Variants in CFI observed in about 807,000 individuals in gnomAD.
CFI encodes C3B/C4B inactivator.
In CFI, 66 loss-of-function variants were observed where a neutral mutation model predicts 78.8. That is an observed-to-expected ratio of 0.84 (90% CI 0.69 to 1.03). The LOEUF is 1.03. Among genes scored for constraint, CFI ranks in the 50% least tolerant of loss-of-function variants. The pLI is 0.00. For missense variants in CFI, 706 were observed against 704.5 expected (o/e 1.00, Z -0.02); for synonymous variants, 250 against 232.6 (o/e 1.07, Z -0.68).
chr4:109,761,846 C>T (rs1727110365), intron 3 of CFI, 154 bp from the exon 4 acceptor site: 1 of 654,980 alleles, frequency 1.5e-6, no homozygotes, highest in Non-Finnish European at 2.7e-6. Context: ...AGCCTCAGTA[C>T]CTTCATCTAT....
intron 7 of CFI, among the ~76,000 whole-genome samples, chr4:109,756,435 G>A (rs1430099215): frequency 1.4e-5 from 2 of 141,458 alleles, no homozygotes; most frequent in Non-Finnish European, 3.2e-5. Context: ...AAGAAGAAGA[G>A]GAAGAAGGAG....
chr4:109,731,959 A>G, the CFI span, among the ~76,000 whole-genome samples: 61 of 152,228 alleles, frequency 4.0e-4, no homozygotes, highest in Non-Finnish European at 8.4e-4. Context: ...TCTCAGCTCC[A>G]AAGTATGAAA....
intron 1 of CFI, among the ~76,000 whole-genome samples, chr4:109,767,169 A>G (rs550535849): frequency 0.016 from 2,423 of 152,338 alleles, 82 homozygotes; most frequent in African/African-American, 0.055. Flanking sequence ...ACCTAAAACC[A>G]TAAAAACCCT....
intron 1 of CFI, among the ~76,000 whole-genome samples, chr4:109,792,376 G>A (rs10004794): frequency 0.18 from 27,187 of 152,058 alleles, 4,603 homozygotes; most frequent in African/African-American, 0.43. Flanking sequence ...AGGAGTTCAA[G>A]ATCAGCCTGG....
intron 1 of CFI, among the ~76,000 whole-genome samples, chr4:109,775,358 G>A (rs921972023): frequency 1.3e-5 from 2 of 152,190 alleles, no homozygotes; most frequent in African/African-American, 4.8e-5. Flanking sequence ...TATATCCCGT[G>A]CCTGGCTCGG....
chr4:109,740,899 A>G lies in CFI; in HGVS notation c.1746T>C (p.Asn582=), dbSNP rs771372128. The change falls in exon 13 of 13, where the codon AAT becomes AAC. Residue 582 remains asparagine (N), a synonymous_variant. Coordinates refer to ENST00000394634, the MANE Select transcript of CFI (RefSeq NM_000204.5). ...GAAGAGAGAGATCACAATTTTATAC[A>G]TTGTACTGAGAAATAAAAGGCCTTC... The part of the protein sequence containing the change: ...HVGRPFISQY[N]V 1.2e-6 allele frequency: 2 copies of G among 1,613,262 alleles called. No homozygotes were observed. Among genetic ancestry groups the G allele is most frequent in the South Asian group, 2.2e-5 (2 of 91,074 alleles).
At chr4:109,782,930 G>A (rs1424105633) in intron 1 of CFI, among the ~76,000 whole-genome samples, 1 of 152,090 alleles carries the variant, frequency 6.6e-6, no homozygotes, top group Non-Finnish European at 1.5e-5. Flanking sequence ...AGTGGCGAAA[G>A]GACACCCTTT....
intron 1 of CFI, among the ~76,000 whole-genome samples, chr4:109,793,024 C>A (rs1306278497): frequency 1.3e-5 from 2 of 152,012 alleles, no homozygotes; most frequent in Non-Finnish European, 2.9e-5. Context: ...ATGTCTTATA[C>A]CTTTTTTGTT....
At chr4:109,775,980 G>A (rs1729183418) in intron 1 of CFI, among the ~76,000 whole-genome samples, 1 of 152,160 alleles carries the variant, frequency 6.6e-6, no homozygotes, top group Non-Finnish European at 1.5e-5. Context: ...AACCCCATCT[G>A]TACGTCACCA....
At chr4:109,783,792 T>A (rs1730362707) in intron 1 of CFI, among the ~76,000 whole-genome samples, 1 of 141,464 alleles carries the variant, frequency 7.1e-6, no homozygotes, top group South Asian at 2.2e-4. Flanking sequence ...CACCATTCAA[T>A]GAGTGGATAA....
intron 1 of CFI, among the ~76,000 whole-genome samples, chr4:109,787,927 T>C (rs561650069): frequency 6.6e-6 from 1 of 152,218 alleles, no homozygotes; most frequent in African/African-American, 2.4e-5. Flanking sequence ...GGTTCAAAAA[T>C]GTGCCTGTAA....
In CFI at chr4:109,744,706, C is replaced by T. The variant is rs531861756; in HGVS notation, c.1429+1516G>A. ...GCCCCTGTGATTCCCCAACCCCCTA[C>T]GTATATCTTTGTAATGAACCCTTTT... On this transcript the variant is annotated intron_variant, in intron 11 of 12. Transcript: ENST00000394634. Among the ~76,000 whole-genome samples the T allele has an allele frequency of 4.6e-5, 7 of 152,262 alleles. No homozygotes were observed. In the South Asian group the frequency reaches 8.3e-4, roughly 18 times the overall value.
chr4:109,800,530 C>T (rs1458355432), intron 1 of CFI, among the ~76,000 whole-genome samples: 1 of 151,466 alleles, frequency 6.6e-6, no homozygotes, highest in Non-Finnish European at 1.5e-5. Flanking sequence ...TCTGGTTATT[C>T]CCCCCATTAG....
intron 1 of CFI, among the ~76,000 whole-genome samples, chr4:109,769,799 T>C (rs574790448): frequency 2.0e-5 from 3 of 152,264 alleles, no homozygotes; most frequent in Non-Finnish European, 2.9e-5. Context: ...CCCACACCTG[T>C]CTGTTGCCTG....
intron 7 of CFI, among the ~76,000 whole-genome samples, chr4:109,755,178 C>T (rs896079051): frequency 6.6e-6 from 1 of 152,098 alleles, no homozygotes; most frequent in East Asian, 1.9e-4. Flanking sequence ...AGCTAGTATG[C>T]ACATGAAGAG....
chr4:109,782,414 C>G (rs1730159881), intron 1 of CFI, among the ~76,000 whole-genome samples: 1 of 127,102 alleles, frequency 7.9e-6, no homozygotes, highest in African/African-American at 3.0e-5. Context: ...AGAACTCAAC[C>G]CCTTTTACAA....
At chr4:109,756,927 A>AAGAAAGAAAG (rs1312704621) in intron 7 of CFI, among the ~76,000 whole-genome samples, 2 of 148,270 alleles carry the variant, frequency 1.3e-5, no homozygotes, top group African/African-American at 5.0e-5. Context: ...GAAAGAAAGA[A>AAGAAAGAAAG]AGAAAGAAAG....
chr4:109,756,933 GAAAGAAAGAAAGAAAGAAA>G (rs1726321154), intron 7 of CFI, among the ~76,000 whole-genome samples: 3 of 146,492 alleles, frequency 2.0e-5, no homozygotes, highest in Non-Finnish European at 4.5e-5. Context: ...AAGAAAGAAA[GAAAGAAAGAAAGAAAGAAA>G]GAAAGAAAGA....
intron 7 of CFI, 74 bp from the exon 8 acceptor site, chr4:109,752,577 A>G: frequency 7.9e-7 from 1 of 1,258,086 alleles, no homozygotes; most frequent in Non-Finnish European, 1.2e-6. Context: ...AAATCATTTA[A>G]ACACTGATTA....
Sources: gnomAD v4.1 joint callset for allele counts (sites outside exome capture counted in the v4.1 genomes callset) on GRCh38, gnomAD v4.1.1 for gene constraint, MANE v1.5 for transcripts, NCBI Gene and HGNC (gene_info 2026-07-23, HGNC 2026-07-21) for gene names.